LAMC2: variants seen among roughly 807,000 people sequenced by gnomAD.
LAMC2 encodes the protein laminin subunit gamma 2.
A neutral mutation model predicts 140.2 loss-of-function variants in LAMC2; 97 were observed. The observed-to-expected ratio is 0.69, with a 90% CI of 0.59 to 0.82. The LOEUF is 0.82. LAMC2 is among the 40% of genes least tolerant of loss of function. LAMC2 has a pLI of 0.00. For missense variants in LAMC2, 1,402 were observed against 1,476.1 expected, an observed-to-expected ratio of 0.95 and a Z score of 0.82; for synonymous variants, 513 against 540.2, an observed-to-expected ratio of 0.95 and a Z score of 0.70.
chr1:183,239,009 C>T (rs1457257781), intron 19 of LAMC2, among the ~76,000 whole-genome samples: 1 of 152,200 alleles, frequency 6.6e-6, no homozygotes, highest in African/African-American at 2.4e-5. Flanking sequence ...TACTTCTCTA[C>T]CCATTCAAAC....
At position 183,190,610 on chromosome 1, in the gene LAMC2, T is replaced by C. The variant is rs117911337; in HGVS notation, c.79+4179T>C. ...TCTCTCATTTCCCAATGGGAAGAACTTCCCCCACATTCAAAGAAAGGATTT... is the reference window on the plus strand; with the variant it reads ...TCTCTCATTTCCCAATGGGAAGAACCTCCCCCACATTCAAAGAAAGGATTT... On this transcript the variant is annotated intron_variant, in intron 1 of 22. Coordinates refer to ENST00000264144, the MANE Select transcript of LAMC2 (RefSeq NM_005562.3). Among the ~76,000 whole-genome samples the C allele has an allele frequency of 1.2e-3, 178 of 152,254 alleles. 4 individuals carry two copies. The East Asian group carries it at 0.033, about 28-fold the overall frequency.
chr1:183,190,968 C>T (rs533799411), intron 1 of LAMC2, among the ~76,000 whole-genome samples: 1 of 152,306 alleles, frequency 6.6e-6, no homozygotes, highest in South Asian at 2.1e-4. Context: ...AGCATAATCA[C>T]TCTGAAAGGC....
At chr1:183,217,194 C>T (rs955260567) in intron 3 of LAMC2, among the ~76,000 whole-genome samples, 5 of 152,108 alleles carry the variant, frequency 3.3e-5, no homozygotes, top group African/African-American at 9.6e-5. Flanking sequence ...AGAGGAGGAA[C>T]GGATCAGTAG....
rs1440295150 is a variant in LAMC2, at chr1:183,225,666, A to G, written c.1012A>G (p.Arg338Gly). The G allele has an allele frequency of 3.1e-6, 5 of 1,614,036 alleles. No individual in the cohort carries two copies. The African/African-American group carries it at 6.7e-5, about 22-fold the overall frequency. The change falls in exon 8 of 23, where the codon AGG becomes GGG. Residue 338 changes from arginine (R) to glycine (G), a missense_variant. This residue lies in a region of LAMC2 where 723 missense variants were observed against 783.3 expected (regional missense o/e 0.92). Coordinates refer to ENST00000264144, the MANE Select transcript of LAMC2 (RefSeq NM_005562.3). ...CCAGCTGAGTTACTTTGAGTATCGA[A>G]GGTTACTGCGGAATCTCACAGCCCT... Reference protein sequence around the residue: ...SPQLSYFEYRRLLRNLTALRI... With the variant: ...SPQLSYFEYRGLLRNLTALRI...
At chr1:183,222,246 C>A in intron 6 of LAMC2, 35 bp downstream of exon 6, 1 of 1,600,936 alleles carries the variant, frequency 6.2e-7, no homozygotes, top group South Asian at 1.1e-5. Flanking sequence ...TAGAGGCCAG[C>A]TTATAGGACT....
At chr1:183,200,775 G>A (rs146160176) in intron 1 of LAMC2, among the ~76,000 whole-genome samples, 22 of 152,232 alleles carry the variant, frequency 1.4e-4, no homozygotes, top group Admixed American at 2.0e-4. Context: ...TTTGATCTGC[G>A]TCTCTGGGTG....
intron 1 of LAMC2, among the ~76,000 whole-genome samples, chr1:183,200,389 CA>C (rs397765735): frequency 1.6e-4 from 23 of 144,348 alleles, no homozygotes; most frequent in Admixed American, 2.1e-4. Context: ...GACTCTGTTT[CA>C]AAAAAAAAAA....
the LAMC2 span, among the ~76,000 whole-genome samples, chr1:183,257,512 G>C: frequency 6.6e-6 from 1 of 152,228 alleles, no homozygotes; most frequent in East Asian, 1.9e-4. Context: ...ATCTGGTCCT[G>C]GGCTTTTCTT....
In LAMC2 at chr1:183,243,631, T is replaced by G; in HGVS notation, c.*231T>G. 2 of 579,592 alleles carry G rather than the reference T, an allele frequency of 3.5e-6. No individual in the cohort carries two copies. Among genetic ancestry groups the G allele is most frequent in the Non-Finnish European group, 6.2e-6 (2 of 323,438 alleles). The allele number at this position is 579,592 out of a possible 1,614,324, so 35.9% of individuals were successfully genotyped here. ...AGGCAGATAGCACTGGGTGTGAGAATGATCAAGGATCTGGACCCCAAAGAA... is the reference window on the plus strand; with the variant it reads ...AGGCAGATAGCACTGGGTGTGAGAAGGATCAAGGATCTGGACCCCAAAGAA... On this transcript the variant is annotated 3_prime_UTR_variant, in exon 23 of 23. Coordinates refer to ENST00000264144, the MANE Select transcript of LAMC2 (RefSeq NM_005562.3).
the LAMC2 span, among the ~76,000 whole-genome samples, chr1:183,253,945 ATGTG>A: frequency 9.3e-6 from 1 of 107,928 alleles, no homozygotes; most frequent in Non-Finnish European, 2.0e-5. Context: ...GTGTGTGTGT[ATGTG>A]TGTGTGTAAG....
Position 183,235,664 on chromosome 1 carries a change from T to G in LAMC2, c.2390T>G (p.Leu797Arg), listed in dbSNP as rs149176815. 2 of 1,614,096 alleles carry G rather than the reference T, an allele frequency of 1.2e-6. No homozygotes were observed. Among genetic ancestry groups the G allele is most frequent in the Non-Finnish European group, 1.7e-6 (2 of 1,180,028 alleles). The part of the protein sequence containing the change: ...KQALSLVRKA[L>R]HEGVGSGSGS... ...GCCCTCTCACTGGTGCGCAAGGCCCTGCATGAAGGAGTCGGAAGCGGAAGC... is the reference window on the plus strand; with the variant it reads ...GCCCTCTCACTGGTGCGCAAGGCCCGGCATGAAGGAGTCGGAAGCGGAAGC... Residue 797 changes from leucine (L) to arginine (R), a missense_variant, in exon 16 of 23, where the codon CTG (leucine) becomes CGG (arginine). By Grantham distance (102) the Leu-to-Arg change is moderately radical (BLOSUM62 -2). Coordinates refer to ENST00000264144, the MANE Select transcript of LAMC2 (RefSeq NM_005562.3).
Position 183,227,557 on chromosome 1 carries a change from C to A in LAMC2, c.1328C>A (p.Ala443Asp), listed in dbSNP as rs1420570332. 1 of 1,614,174 alleles carries A rather than the reference C, an allele frequency of 6.2e-7. No individual in the cohort carries two copies. The highest frequency in any genetic ancestry group is 1.3e-5 in the African/African-American group (1 of 75,032). The change falls in exon 10 of 23, where the codon GCT (alanine) becomes GAT (aspartate). Residue 443 changes from alanine to aspartate, a missense_variant. By Grantham distance (126) the Ala-to-Asp change is moderately radical. Around this residue, in one of 3 missense-constraint regions of LAMC2, gnomAD observed 723 missense variants for 783.3 expected, o/e 0.92. Coordinates refer to ENST00000264144, the MANE Select transcript of LAMC2 (RefSeq NM_005562.3). ...GATGAGAATCCTGACATTGAGTGTG[C>A]TGACTGCCCAATTGGTTTCTACAAC... ...SGDENPDIEC[A>D]DCPIGFYNDP...
intron 3 of LAMC2, among the ~76,000 whole-genome samples, chr1:183,216,070 T>A (rs148831698): frequency 1.2e-4 from 18 of 152,340 alleles, no homozygotes; most frequent in Non-Finnish European, 1.9e-4. Flanking sequence ...GCATTAAATG[T>A]CACATAACCA....
At chr1:183,234,915 A>G (rs1659907458) in intron 15 of LAMC2, among the ~76,000 whole-genome samples, 1 of 152,094 alleles carries the variant, frequency 6.6e-6, no homozygotes, top group Non-Finnish European at 1.5e-5. Context: ...AGCTCCCTTC[A>G]TCCTTGGCTC....
chr1:183,250,657 A>T, the LAMC2 span: 1 of 152,626 alleles, frequency 6.6e-6, no homozygotes, highest in African/African-American at 2.4e-5. Flanking sequence ...AAAGTGTTGG[A>T]TCAACTGAAC....
rs769384932 is a variant in LAMC2 at position 183,186,391 on chromosome 1, G to T, written c.39G>T (p.Ser13=). The T allele has an allele frequency of 5.6e-6, 9 of 1,605,624 alleles. No individual in the cohort carries two copies. The highest frequency in any genetic ancestry group is 6.8e-6 in the Non-Finnish European group (8 of 1,179,626). The change falls in exon 1 of 23, where the codon TCG becomes TCT. Residue 13 remains serine, a synonymous_variant. Coordinates refer to ENST00000264144, the MANE Select transcript of LAMC2 (RefSeq NM_005562.3). ...GGCTGGGCTGCTGCCTCTGCTTCTC[G>T]CTCCTCCTGCCCGCAGCCCGGGCCA... ...ALWLGCCLCF[S]LLLPAARATS...
chr1:183,246,163 C>G (rs1660238139), downstream of LAMC2, among the ~76,000 whole-genome samples: 1 of 143,554 alleles, frequency 7.0e-6, no homozygotes. Context: ...GAGCAAGACT[C>G]CGTCTCAAAA....
rs561253066 is a variant in LAMC2, at chr1:183,235,797, G to A, written c.2456+67G>A. On this transcript the variant is annotated intron_variant, in intron 16 of 22. Coordinates refer to ENST00000264144, the MANE Select transcript of LAMC2 (RefSeq NM_005562.3). Reference sequence around the variant, plus strand: ...ATACTCCCAGGGCAAAATGCTAACCGTACTTGAGGGGCACCATGCTAGTTG... The same window carrying A: ...ATACTCCCAGGGCAAAATGCTAACCATACTTGAGGGGCACCATGCTAGTTG... 247 of 1,510,062 alleles carry A rather than the reference G, an allele frequency of 1.6e-4. 2 individuals are homozygous for A. The African/African-American group carries it at 2.7e-3, about 16-fold the overall frequency. The allele number at this position is 1,510,062 out of a possible 1,614,324, so 93.5% of individuals were successfully genotyped here.
rs766434548 is a variant in LAMC2 at position 183,215,531 on chromosome 1, G to A, written c.347G>A (p.Cys116Tyr). Residue 116 changes from cysteine to tyrosine, a missense_variant, in exon 3 of 23, where the codon TGT (cysteine) becomes TAT (tyrosine). Around this residue, in one of 3 missense-constraint regions of LAMC2, gnomAD observed 723 missense variants for 783.3 expected, o/e 0.92. Coordinates refer to ENST00000264144, the MANE Select transcript of LAMC2 (RefSeq NM_005562.3). ...GTGACAGGAGCCAGATGCGACCGAT[G>A]TCTGCCAGGCTTCCACATGCTCACG... Reference protein sequence around the residue: ...PGVTGARCDRCLPGFHMLTDA... With the variant: ...PGVTGARCDRYLPGFHMLTDA... The A allele has an allele frequency of 1.1e-5, 17 of 1,614,074 alleles. No homozygotes were observed. The highest frequency in any genetic ancestry group is 1.4e-5 in the Non-Finnish European group (16 of 1,180,048).
Sources: gnomAD v4.1 joint callset for allele counts (sites outside exome capture counted in the v4.1 genomes callset) on GRCh38, gnomAD v4.1.1 for gene constraint, gnomAD v4.1.1 regional missense constraint, MANE v1.5 for transcripts, NCBI Gene and HGNC (gene_info 2026-07-23, HGNC 2026-07-21) for gene names.